AVEN: variants seen among roughly 807,000 people sequenced by gnomAD.
The protein encoded by AVEN is apoptosis and caspase activation inhibitor.
In AVEN, 41 loss-of-function variants were observed where a neutral mutation model predicts 38.1. The observed-to-expected ratio is 1.08, with a 90% CI of 0.84 to 1.40. The LOEUF is 1.40. Among genes scored for constraint, AVEN ranks in the 40% most tolerant of loss-of-function variants. The pLI is 0.00. For synonymous variants in AVEN, 206 were observed against 171.8 expected, an observed-to-expected ratio of 1.20 and a Z score of -1.56; for missense variants, 605 against 438.8, an observed-to-expected ratio of 1.38 and a Z score of -3.38.
At chr15:33,915,204 T>C (rs1364707709) in intron 2 of AVEN, among the ~76,000 whole-genome samples, 3 of 152,104 alleles carry the variant, frequency 2.0e-5, no homozygotes, top group Non-Finnish European at 4.4e-5. Context: ...GAGCAGCATG[T>C]GGAGACTCAC....
At chr15:33,994,166 T>C (rs1422985546) in intron 2 of AVEN, among the ~76,000 whole-genome samples, 3 of 152,184 alleles carry the variant, frequency 2.0e-5, no homozygotes, top group Non-Finnish European at 1.5e-5. Context: ...TTCTTCTCTA[T>C]TTACAGCCAC....
At chr15:33,886,543 T>G (rs2153039317) in intron 2 of AVEN, among the ~76,000 whole-genome samples, 1 of 152,274 alleles carries the variant, frequency 6.6e-6, no homozygotes, top group South Asian at 2.1e-4. Context: ...AACCTCGTGA[T>G]CCGCCCACCT....
chr15:33,946,785 G>T (rs892844650), intron 2 of AVEN, among the ~76,000 whole-genome samples: 1 of 152,206 alleles, frequency 6.6e-6, no homozygotes, highest in African/African-American at 2.4e-5. Context: ...CAAAGTAGCT[G>T]CGGTTGCGGG....
intron 1 of AVEN, among the ~76,000 whole-genome samples, chr15:34,008,439 G>A (rs1220101692): frequency 1.4e-5 from 2 of 141,908 alleles, no homozygotes; most frequent in Non-Finnish European, 3.0e-5. Context: ...AAAAAAAAAA[G>A]AAGAAAAATA....
intron 2 of AVEN, among the ~76,000 whole-genome samples, chr15:33,948,444 T>G (rs1894592120): frequency 6.6e-6 from 1 of 152,058 alleles, no homozygotes; most frequent in African/African-American, 2.4e-5. Context: ...TGTCTAAAGA[T>G]CATCAGTATT....
At chr15:33,870,174 TCTC>T (rs1381347039) in intron 4 of AVEN, among the ~76,000 whole-genome samples, 2 of 152,196 alleles carry the variant, frequency 1.3e-5, no homozygotes, top group Non-Finnish European at 2.9e-5. Context: ...AGTACAGCCC[TCTC>T]CTCTGCCATC....
Position 33,902,939 on chromosome 15 carries a change from A to G in AVEN, c.446-26944T>C, listed in dbSNP as rs938803857. ...ATGATCAATTTACCCTCCACCCTTC[A>G]CAACTGCTAAAGCAAATGCCATCTA... On this transcript the variant is annotated intron_variant, in intron 2 of 5. Transcript: ENST00000306730. Among the ~76,000 whole-genome samples the G allele has an allele frequency of 2.0e-4, 31 of 152,170 alleles. 1 individual carries two copies. Among genetic ancestry groups the G allele is most frequent in the Non-Finnish European group, 4.4e-5 (3 of 68,032 alleles).
intron 2 of AVEN, among the ~76,000 whole-genome samples, chr15:33,973,009 G>A (rs1695653763): frequency 6.6e-6 from 1 of 152,172 alleles, no homozygotes; most frequent in Non-Finnish European, 1.5e-5. Context: ...TCAGTCCTAT[G>A]TACTGGTTCA....
intron 3 of AVEN, among the ~76,000 whole-genome samples, chr15:33,872,685 G>A (rs1222801382): frequency 6.6e-6 from 1 of 152,006 alleles, no homozygotes; most frequent in Non-Finnish European, 1.5e-5. Context: ...AAGTCCTACT[G>A]GATAAGTCAC....
At chr15:34,037,775 G>T (rs1200740046) in intron 1 of AVEN, among the ~76,000 whole-genome samples, 5 of 151,784 alleles carry the variant, frequency 3.3e-5, no homozygotes, top group Non-Finnish European at 5.9e-5. Context: ...TTTTTTTCCA[G>T]CTCTGTATTG....
chr15:33,903,813 T>G (rs567160), intron 2 of AVEN, among the ~76,000 whole-genome samples: 127,914 of 151,978 alleles, frequency 0.84, 56,795 homozygotes, highest in Non-Finnish European at 0.98. Context: ...TTTGAGAAAT[T>G]CATCATTAGG....
chr15:34,063,822 C>A lies in AVEN; in HGVS notation n.1127-390G>T. 1 of 1,614,168 alleles carries A rather than the reference C, an allele frequency of 6.2e-7. No homozygotes were observed. The highest frequency in any genetic ancestry group is 1.1e-5 in the South Asian group (1 of 91,078). On this transcript the variant is annotated intron_variant and non_coding_transcript_variant, in intron 4 of 11. Coordinates refer to the AVEN transcript ENST00000675287. This position sits in a 1 kb window ranked among gnomAD's most constrained non-coding sequence, Gnocchi z 4.1. ...CTACCTTCTGTCTCCAGCAGCTGCT[C>A]ATAGACCCAAGAGTCAGAAATGTGT...
At chr15:33,904,536 C>T (rs1220712189) in intron 2 of AVEN, among the ~76,000 whole-genome samples, 4 of 151,898 alleles carry the variant, frequency 2.6e-5, no homozygotes, top group Non-Finnish European at 4.4e-5. Context: ...CTCAGCCTCC[C>T]GAGTAGCTGG....
At chr15:33,961,251 T>G (rs114741437) in intron 2 of AVEN, among the ~76,000 whole-genome samples, 1,895 of 152,250 alleles carry the variant, frequency 0.012, 42 homozygotes, top group African/African-American at 0.044. Context: ...TTCTCCTGCC[T>G]CAGCCTCCTA....
At chr15:34,030,344 T>G (rs921654163) in intron 1 of AVEN, among the ~76,000 whole-genome samples, 1 of 151,496 alleles carries the variant, frequency 6.6e-6, no homozygotes, top group Non-Finnish European at 1.5e-5. Context: ...TTTTGGGGGG[T>G]TTTTTGTTTT....
At chr15:33,938,856 C>G (rs1176024619) in intron 2 of AVEN, among the ~76,000 whole-genome samples, 1 of 151,818 alleles carries the variant, frequency 6.6e-6, no homozygotes, top group East Asian at 1.9e-4. Context: ...GGGGGATTGG[C>G]GGGGGGCAGA....
intron 4 of AVEN, 44 bp from the exon 5 acceptor site, chr15:33,867,899 C>A (rs745583315): frequency 2.0e-6 from 3 of 1,523,146 alleles, no homozygotes; most frequent in South Asian, 1.3e-5. Flanking sequence ...GTGAGTCTTG[C>A]CATATTGGCT....
intron 2 of AVEN, among the ~76,000 whole-genome samples, chr15:33,931,992 A>G (rs757657969): frequency 9.2e-5 from 14 of 152,214 alleles, no homozygotes; most frequent in Non-Finnish European, 1.9e-4. Context: ...TCTCCAGGGA[A>G]GTAAATCACA....
intron 2 of AVEN, among the ~76,000 whole-genome samples, chr15:33,900,328 GAC>G (rs1284947604): frequency 3.4e-5 from 5 of 147,296 alleles, no homozygotes; most frequent in African/African-American, 1.3e-4. Flanking sequence ...TTTTTTTTGA[GAC>G]AAAGTTATTT....
Sources: allele counts gnomAD v4.1 joint callset (sites outside exome capture counted in the v4.1 genomes callset), GRCh38; gene constraint gnomAD v4.1.1; non-coding constraint Gnocchi (gnomAD v3.1); transcripts MANE v1.5; gene names NCBI Gene and HGNC (gene_info 2026-07-23, HGNC 2026-07-21).